The following OSBP variants were observed in gnomAD, a reference collection of about 807,000 sequenced individuals.
The protein encoded by OSBP is oxysterol-binding protein 1.
Under a neutral mutation model 96.6 loss-of-function variants are expected in OSBP, and 32 were observed. That is an observed-to-expected ratio of 0.33 (90% CI 0.25 to 0.45). The LOEUF is 0.45. OSBP is among the 20% of genes least tolerant of loss of function. The pLI is 1.00. For missense variants in OSBP, 653 were observed against 1,029.7 expected (o/e 0.63, Z 5.01); for synonymous variants, 369 against 389.6 (o/e 0.95, Z 0.62).
intron 7 of OSBP, among the ~76,000 whole-genome samples, chr11:59,597,340 G>A (rs567439455): frequency 4.6e-5 from 7 of 151,946 alleles, no homozygotes; most frequent in Non-Finnish European, 7.4e-5. Context: ...GTGGGCCACC[G>A]CGCATGGCAC....
chr11:59,608,819 A>G, intron 2 of OSBP, 85 bp from the exon 3 acceptor site: 1 of 1,326,302 alleles, frequency 7.5e-7, no homozygotes, highest in Non-Finnish European at 1.1e-6. Flanking sequence ...GAAACAAACC[A>G]ACATTCCTCA....
chr11:59,584,768 C>T lies in OSBP; in HGVS notation c.1679-3214G>A, dbSNP rs145382193. 9.8e-4 allele frequency among the ~76,000 whole-genome samples: 149 copies of T among 152,160 alleles called. 2 individuals are homozygous for T. Among genetic ancestry groups the T allele is most frequent in the African/African-American group, 2.9e-3 (122 of 41,500 alleles). ...GCCCACTTTCACTGCTTCTATTCAA[C>T]ATAGTACTGGAAGTTTTAGCCAGGG... On this transcript the variant is annotated intron_variant, in intron 9 of 13. Coordinates refer to ENST00000263847, the MANE Select transcript of OSBP (RefSeq NM_002556.3).
chr11:59,606,305 G>A (rs954658238), intron 3 of OSBP, among the ~76,000 whole-genome samples: 2 of 151,052 alleles, frequency 1.3e-5, no homozygotes, highest in Admixed American at 6.6e-5. Context: ...CACTTTGACA[G>A]TTAGAAAAGC....
intron 9 of OSBP, chr11:59,593,392 G>A: frequency 1.8e-6 from 1 of 541,768 alleles, no homozygotes; most frequent in Non-Finnish European, 3.3e-6. Context: ...AGAGGATAAA[G>A]AATTTAGGAC....
intron 7 of OSBP, among the ~76,000 whole-genome samples, chr11:59,599,955 G>C (rs1860699709): frequency 6.6e-6 from 1 of 152,146 alleles, no homozygotes; most frequent in Admixed American, 6.5e-5. Flanking sequence ...GACTACATTT[G>C]ACATTTTTCA....
intron 7 of OSBP, among the ~76,000 whole-genome samples, chr11:59,596,325 G>T (rs945756772): frequency 6.6e-6 from 1 of 152,134 alleles, no homozygotes; most frequent in African/African-American, 2.4e-5. Context: ...CATACATTTT[G>T]AGGAAAACTG....
At chr11:59,581,715 G>C (rs956562338) in intron 9 of OSBP, among the ~76,000 whole-genome samples, 161 bp from the exon 10 acceptor site, 2 of 152,198 alleles carry the variant, frequency 1.3e-5, no homozygotes, top group Non-Finnish European at 2.9e-5. Flanking sequence ...AATGTTGGAA[G>C]TATTGACTGA....
rs1228165611 is a variant in OSBP, at chr11:59,576,181, C to T, written c.*396G>A. The T allele has an allele frequency of 3.0e-5, 5 of 167,022 alleles. No individual in the cohort carries two copies. The highest frequency in any genetic ancestry group is 6.4e-5 in the Non-Finnish European group (5 of 78,108). 10.3% of individuals were successfully genotyped at this position (167,022 alleles called of 1,614,324 possible). ...AATTCGGCTCTTGCTTTTAACAGCACCAAAATGCCCCTGAATCATAATCTT... is the reference window on the plus strand; with the variant it reads ...AATTCGGCTCTTGCTTTTAACAGCATCAAAATGCCCCTGAATCATAATCTT... On this transcript the variant is annotated 3_prime_UTR_variant, in exon 14 of 14. Transcript: ENST00000263847.
chr11:59,610,392 A>T lies in OSBP; in HGVS notation c.560T>A (p.Leu187Gln). ...TCTTTGTTCCTGACCTGACTCTGCC[A>T]GCATCTTCACAGCTTTGGCCTTGGC... ...ELAKAKAVKM[L>Q]AESDESGDEE... The change falls in exon 2 of 14, where the codon CTG (leucine) becomes CAG (glutamine). Residue 187 changes from leucine to glutamine, a missense_variant. By Grantham distance (113) the Leu-to-Gln change is moderately radical (BLOSUM62 -2). This residue lies in a region of OSBP where 308 missense variants were observed against 573.1 expected (regional missense o/e 0.54). Coordinates refer to ENST00000263847, the MANE Select transcript of OSBP (RefSeq NM_002556.3). 6.2e-7 allele frequency: 1 copy of T among 1,613,050 alleles called. No individual in the cohort carries two copies. The highest frequency in any genetic ancestry group is 8.5e-7 in the Non-Finnish European group (1 of 1,180,008).
intron 3 of OSBP, among the ~76,000 whole-genome samples, chr11:59,604,271 C>T (rs1860753592): frequency 6.6e-6 from 1 of 152,124 alleles, no homozygotes; most frequent in South Asian, 2.1e-4. Context: ...TAATTATAAG[C>T]TGGGCATGGT....
At chr11:59,596,638 T>C (rs960181441) in intron 7 of OSBP, among the ~76,000 whole-genome samples, 4 of 148,272 alleles carry the variant, frequency 2.7e-5, no homozygotes, top group Admixed American at 2.0e-4. Flanking sequence ...GCCATAACCA[T>C]TGGTAGGGTG....
At chr11:59,597,223 T>C (rs895471477) in intron 7 of OSBP, among the ~76,000 whole-genome samples, 2 of 151,916 alleles carry the variant, frequency 1.3e-5, no homozygotes, top group Non-Finnish European at 2.9e-5. Flanking sequence ...CATGCCCGGC[T>C]AATTTTTATA....
intron 3 of OSBP, among the ~76,000 whole-genome samples, chr11:59,603,395 T>C (rs1040053205): frequency 1.2e-4 from 18 of 152,148 alleles, no homozygotes; most frequent in Admixed American, 1.2e-3. Flanking sequence ...CCACTGCCTA[T>C]AGGCTAATGG....
chr11:59,601,888 C>T (rs751454319), intron 3 of OSBP, 50 bp from the exon 4 acceptor site: 6 of 1,548,380 alleles, frequency 3.9e-6, no homozygotes, highest in Non-Finnish European at 5.3e-6. Flanking sequence ...CAGAGTTTCC[C>T]CTCAGGCTTC....
At chr11:59,613,510 T>C (rs904334976) in intron 1 of OSBP, among the ~76,000 whole-genome samples, 4 of 152,206 alleles carry the variant, frequency 2.6e-5, no homozygotes, top group East Asian at 1.9e-4. Context: ...TGAGGTGATA[T>C]ACAATTTTTG....
intron 4 of OSBP, 111 bp downstream of exon 4, chr11:59,601,529 A>G: frequency 8.5e-7 from 1 of 1,180,362 alleles, no homozygotes. Context: ...ATGGGTTCCA[A>G]TTCCATTTCA....
chr11:59,577,848 C>T (rs1264700311), intron 12 of OSBP, among the ~76,000 whole-genome samples: 4 of 152,224 alleles, frequency 2.6e-5, no homozygotes, highest in East Asian at 1.9e-4. Flanking sequence ...CTCCTCTAGC[C>T]ACTTTTGAAC....
chr11:59,576,411 T>A lies in OSBP; in HGVS notation c.*166A>T. 8 of 732,628 alleles carry A rather than the reference T, an allele frequency of 1.1e-5. No homozygotes were observed. The highest frequency in any genetic ancestry group is 1.6e-5 in the Non-Finnish European group (7 of 448,086). 45.4% of individuals were successfully genotyped at this position (732,628 alleles called of 1,614,324 possible). ...TCAATCAGCTAAGGCAACCAGCCAA[T>A]CACCACCACTGGTGTCTCCTTCTGG... On this transcript the variant is annotated 3_prime_UTR_variant, in exon 14 of 14. Coordinates refer to ENST00000263847, the MANE Select transcript of OSBP (RefSeq NM_002556.3).
chr11:59,596,000 ATTC>A, intron 7 of OSBP, among the ~76,000 whole-genome samples: 1 of 145,564 alleles, frequency 6.9e-6, no homozygotes, highest in Non-Finnish European at 1.5e-5. Context: ...AATAAATAAA[ATTC>A]ATAAACTAGA....
Sources: gnomAD v4.1 joint callset for allele counts (sites outside exome capture counted in the v4.1 genomes callset) on GRCh38, gnomAD v4.1.1 for gene constraint, gnomAD v4.1.1 regional missense constraint, MANE v1.5 for transcripts, NCBI Gene and HGNC (gene_info 2026-07-23, HGNC 2026-07-21) for gene names.